Variants in PATJ observed in about 807,000 individuals in gnomAD.
PATJ encodes the protein PATJ crumbs cell polarity complex component, also known as inaD-like protein.
Under a neutral mutation model 224.9 loss-of-function variants are expected in PATJ, and 190 were observed. The ratio of observed to expected loss-of-function variants is 0.84; its 90% CI spans 0.75 to 0.95. The LOEUF (loss-of-function observed/expected upper bound fraction) is 0.95, where lower values mean the gene tolerates loss of function less well. Among genes scored for constraint, PATJ ranks in the 40% least tolerant of loss-of-function variants. The pLI is 0.00. For missense variants in PATJ, 2,121 were observed against 2,270.3 expected, an observed-to-expected ratio of 0.93 and a Z score of 1.34; for synonymous variants, 769 against 820.3, an observed-to-expected ratio of 0.94 and a Z score of 1.07.
At chr1:62,116,225 A>G (rs114570932) in intron 35 of PATJ, among the ~76,000 whole-genome samples, 2,297 of 152,308 alleles carry the variant, frequency 0.015, 33 homozygotes, top group Non-Finnish European at 0.024. Flanking sequence ...CTTTATCTTA[A>G]AGATATACTT....
At chr1:61,914,802 C>T (rs1464020963) in intron 26 of PATJ, 138 bp downstream of exon 26, 3 of 484,176 alleles carry the variant, frequency 6.2e-6, no homozygotes, top group Non-Finnish European at 1.1e-5. Context: ...ATTTTTTTCC[C>T]TGCAAATATG....
At chr1:61,996,760 T>TTTTA (rs1645386529) in intron 28 of PATJ, among the ~76,000 whole-genome samples, 1 of 105,166 alleles carries the variant, frequency 9.5e-6, no homozygotes, top group East Asian at 2.5e-4. Context: ...TTTTTTTTTT[T>TTTTA]GAGATGGAGT....
At chr1:61,912,500 A>G (rs1174436457) in intron 25 of PATJ, among the ~76,000 whole-genome samples, 1 of 151,724 alleles carries the variant, frequency 6.6e-6, no homozygotes, top group East Asian at 1.9e-4. Flanking sequence ...AATGAGGCAC[A>G]AGAATTGCTT....
At position 62,008,624 on chromosome 1, in the gene PATJ, C is replaced by T. The variant is rs372223465; in HGVS notation, c.3868-9232C>T. ...AATGAGCCCGGTGTGTGGTGCGCAC[C>T]TGTAGTCCCAGCTACTCAGGAAGCT... On this transcript the variant is annotated intron_variant, in intron 28 of 43. Transcript: ENST00000642238. Among the ~76,000 whole-genome samples, 81 of 152,146 alleles carry T rather than the reference C, an allele frequency of 5.3e-4. No individual in the cohort carries two copies. The South Asian group carries it at 0.014, about 27-fold the overall frequency.
Position 61,813,370 on chromosome 1 carries a change from T to G in PATJ, c.1683+4840T>G, listed in dbSNP as rs1274516168. Among the ~76,000 whole-genome samples, 11 of 44,578 alleles carry G rather than the reference T, an allele frequency of 2.5e-4. 1 individual carries two copies. The highest frequency in any genetic ancestry group is 3.2e-4 in the Non-Finnish European group (7 of 21,904). The allele number at this position is 44,578 out of a possible 152,430, so 29.2% of individuals were successfully genotyped here. On this transcript the variant is annotated intron_variant, in intron 14 of 43. Transcript: ENST00000642238. Reference sequence around the variant, plus strand: ...ATATATATATATATATATATATATATATATATATACACACACACACACACA... The same window carrying G: ...ATATATATATATATATATATATATAGATATATATACACACACACACACACA...
chr1:62,082,037 GCCTTTC>G (rs2148742506), intron 32 of PATJ, among the ~76,000 whole-genome samples: 1 of 152,274 alleles, frequency 6.6e-6, no homozygotes, highest in South Asian at 2.1e-4. Context: ...CTTACCTAGA[GCCTTTC>G]TTTTTGTCTT....
intron 27 of PATJ, among the ~76,000 whole-genome samples, chr1:61,934,840 T>G (rs41365548): frequency 6.6e-6 from 1 of 152,130 alleles, no homozygotes; most frequent in Non-Finnish European, 1.5e-5. Flanking sequence ...GGGGATGTGA[T>G]GAAAATGCAG....
rs1391396197 is a variant in PATJ at position 62,128,931 on chromosome 1, C to T, written c.5257C>T (p.Arg1753Cys). ...TAATCTGCTGAAGAACGCCTACGGG[C>T]GCATTATCCTGCAGGTATTGCGATC... ...VVNLLKNAYG[R>C]IILQVVADTN... Residue 1753 changes from arginine (R) to cysteine (C), a missense_variant, in exon 41 of 44, where the codon CGC becomes TGC. Physicochemically the swap from Arg to Cys is radical, Grantham distance 180. Coordinates refer to ENST00000642238, the MANE Select transcript of PATJ (RefSeq NM_001350145.3). 9.9e-6 allele frequency: 16 copies of T among 1,608,362 alleles called. No individual in the cohort carries two copies. Among genetic ancestry groups the T allele is most frequent in the Middle Eastern group, 3.3e-4 (2 of 6,068 alleles).
chr1:61,997,785 T>TTTTG (rs1645456524), intron 28 of PATJ, among the ~76,000 whole-genome samples: 2 of 137,046 alleles, frequency 1.5e-5, no homozygotes, highest in Non-Finnish European at 3.0e-5. Context: ...TGTGTGCGGT[T>TTTTG]TTTTGTTTTG....
chr1:61,763,208 A>G, intron 3 of PATJ, 29 bp downstream of exon 3: 4 of 1,299,098 alleles, frequency 3.1e-6, no homozygotes, highest in Non-Finnish European at 3.2e-6. Context: ...TTTTACATTA[A>G]TATATTATAT....
chr1:61,792,446 G>C (rs1440061676), intron 9 of PATJ, among the ~76,000 whole-genome samples: 1 of 152,088 alleles, frequency 6.6e-6, no homozygotes, highest in African/African-American at 2.4e-5. Flanking sequence ...GTGAATGACT[G>C]GTAGAACATT....
At chr1:62,007,961 A>G (rs1246888074) in intron 28 of PATJ, among the ~76,000 whole-genome samples, 1 of 152,224 alleles carries the variant, frequency 6.6e-6, no homozygotes, top group East Asian at 1.9e-4. Flanking sequence ...AGCTTCACCA[A>G]AAAAGTAGAA....
intron 27 of PATJ, among the ~76,000 whole-genome samples, chr1:61,982,359 TA>T (rs1326944318): frequency 6.6e-6 from 1 of 151,996 alleles, no homozygotes; most frequent in African/African-American, 2.4e-5. Context: ...GGGATCTTAT[TA>T]CCTAAAATGT....
At chr1:62,036,113 T>G (rs1650332965) in intron 29 of PATJ, among the ~76,000 whole-genome samples, 1 of 152,134 alleles carries the variant, frequency 6.6e-6, no homozygotes, top group Admixed American at 6.5e-5. Flanking sequence ...GACTTTGCTC[T>G]TGATCCTAAG....
intron 33 of PATJ, among the ~76,000 whole-genome samples, chr1:62,103,025 G>C (rs1471256969): frequency 6.6e-6 from 1 of 152,068 alleles, no homozygotes; most frequent in East Asian, 1.9e-4. Context: ...TAAGTCAAAG[G>C]CTTCAACTTC....
intron 17 of PATJ, 63 bp downstream of exon 17, chr1:61,833,848 A>T (rs1659743944): frequency 6.7e-7 from 1 of 1,484,308 alleles, no homozygotes; most frequent in Admixed American, 2.1e-5. Flanking sequence ...AGTTATGGGA[A>T]GTAGCAATTG....
intron 17 of PATJ, among the ~76,000 whole-genome samples, chr1:61,853,657 G>A (rs1446614314): frequency 1.3e-5 from 2 of 152,190 alleles, no homozygotes; most frequent in Non-Finnish European, 2.9e-5. Flanking sequence ...GATGAAAAGT[G>A]TGTTGTGATT....
In PATJ at chr1:61,827,550, A is replaced by G; in HGVS notation, c.1947A>G (p.Pro649=). ...ATGATGAAGCTTCTGTAGATGAACC[A>G]AGGCGCACTGAAACCTCTCTTCCTG... ...LFDDEASVDE[P]RRTETSLPET... is the part of the protein sequence containing the mutation. The change falls in exon 16 of 44, where the codon CCA becomes CCG. Residue 649 remains proline, a synonymous_variant. Coordinates refer to ENST00000642238, the MANE Select transcript of PATJ (RefSeq NM_001350145.3). 1 of 1,614,066 alleles carries G rather than the reference A, an allele frequency of 6.2e-7. No homozygotes were observed. Among genetic ancestry groups the G allele is most frequent in the Non-Finnish European group, 8.5e-7 (1 of 1,179,978 alleles).
rs1235973112 is a variant in PATJ at position 61,901,321 on chromosome 1, C to A, written c.3243C>A (p.Ile1081=). The stretch of plus-strand genomic sequence containing the variant: ...GAGAACCCAATGTGTCTCTTGGGAT[C>A]AGTATTGTTGGTGGACAAACTGTTA... The part of the protein sequence containing the change: ...IFREPNVSLG[I]SIVGGQTVIK... The change falls in exon 24 of 44, where the codon ATC becomes ATA. Residue 1081 remains isoleucine (I), a synonymous_variant. Coordinates refer to ENST00000642238, the MANE Select transcript of PATJ (RefSeq NM_001350145.3). The A allele has an allele frequency of 1.3e-6, 2 of 1,559,078 alleles. No individual in the cohort carries two copies. The highest frequency in any genetic ancestry group is 1.7e-6 in the Non-Finnish European group (2 of 1,162,056).
Sources: gnomAD v4.1 joint callset for allele counts (sites outside exome capture counted in the v4.1 genomes callset) on GRCh38, gnomAD v4.1.1 for gene constraint, MANE v1.5 for transcripts, NCBI Gene and HGNC (gene_info 2026-07-23, HGNC 2026-07-21) for gene names.